ZDHHC7: variants seen among roughly 807,000 people sequenced by gnomAD.
ZDHHC7 encodes palmitoyltransferase ZDHHC7.
ZDHHC7 carries 12 observed loss-of-function variants against 34.1 expected under a neutral mutation model. That is an observed-to-expected ratio of 0.35 (90% CI 0.23 to 0.57). ZDHHC7 has a LOEUF of 0.57. Among genes scored for constraint, ZDHHC7 ranks in the 20% least tolerant of loss-of-function variants. The pLI is 0.84. For missense variants in ZDHHC7, 388 were observed against 402.7 expected (o/e 0.96, Z 0.31); for synonymous variants, 185 against 155.4 (o/e 1.19, Z -1.42).
intron 7 of ZDHHC7, 34 bp downstream of exon 7, chr16:84,977,061 A>C: frequency 6.2e-7 from 1 of 1,613,244 alleles, no homozygotes; most frequent in South Asian, 1.1e-5. Flanking sequence ...CTTGGACCAC[A>C]TATGAAGTCC....
chr16:84,980,593 C>T (rs1265941823), intron 4 of ZDHHC7, among the ~76,000 whole-genome samples: 1 of 152,026 alleles, frequency 6.6e-6, no homozygotes, highest in East Asian at 2.0e-4. Context: ...TCGCTTGAGC[C>T]TGAGAGGCAG....
Position 84,974,818 on chromosome 16 carries a change from TGGCTAGGACGGTGGCTCAGGTA to T in ZDHHC7, c.*1503_*1524del, listed in dbSNP as rs999318750. 13 of 152,728 alleles carry T rather than the reference TGGCTAGGACGGTGGCTCAGGTA, an allele frequency of 8.5e-5. No homozygotes were observed. Among genetic ancestry groups the T allele is most frequent in the African/African-American group, 2.7e-4 (11 of 41,456 alleles). 9.5% of individuals were successfully genotyped at this position (152,728 alleles called of 1,614,324 possible). A position where few individuals can be genotyped will look rare whatever the true frequency, so the allele number is the denominator to read the frequency against. On this transcript the variant is annotated 3_prime_UTR_variant, in exon 8 of 8. Coordinates refer to ENST00000313732, the MANE Select transcript of ZDHHC7 (RefSeq NM_017740.3). The stretch of plus-strand genomic sequence containing the variant: ...CAAACCCCCTGCAGGTTTGCTCGCT[TGGCTAGGACGGTGGCTCAGGTA>T]GGTCCCTTTGTGGTTTTGCATCAGC...
the ZDHHC7 span, among the ~76,000 whole-genome samples, chr16:85,016,799 A>G: frequency 1.3e-5 from 2 of 151,836 alleles, no homozygotes; most frequent in Admixed American, 6.6e-5. Context: ...GTGGACAAAA[A>G]TAATTCCATT....
chr16:84,978,707 A>G (rs370896679), intron 5 of ZDHHC7, among the ~76,000 whole-genome samples: 2 of 152,164 alleles, frequency 1.3e-5, no homozygotes, highest in South Asian at 4.1e-4. Flanking sequence ...TACGAAAAAT[A>G]CAAAATTAGC....
At chr16:84,983,705 G>T (rs2072400100) in intron 3 of ZDHHC7, among the ~76,000 whole-genome samples, 1 of 152,108 alleles carries the variant, frequency 6.6e-6, no homozygotes, top group Non-Finnish European at 1.5e-5. Context: ...ATCAGAATAA[G>T]TAAAACATTT....
rs375336539 is a variant in ZDHHC7 at position 84,979,243 on chromosome 16, C to A, written c.483G>T (p.Pro161=). 6.2e-7 allele frequency: 1 copy of A among 1,608,122 alleles called. No individual in the cohort carries two copies. Among genetic ancestry groups the A allele is most frequent in the Non-Finnish European group, 8.5e-7 (1 of 1,178,954 alleles). ...RCIRKMDHHC[P]WVNNCVGEKN... ...TTTCTCCTACACAATTGTTCACCCA[C>A]GGGCAGTGATGATCCATTTTCCGAA... The change falls in exon 5 of 8, where the codon CCG becomes CCT. Residue 161 remains proline, a synonymous_variant. Coordinates refer to ENST00000313732, the MANE Select transcript of ZDHHC7 (RefSeq NM_017740.3).
chr16:85,001,305 T>C (rs1374761178), intron 1 of ZDHHC7, among the ~76,000 whole-genome samples: 1 of 151,992 alleles, frequency 6.6e-6, no homozygotes, highest in East Asian at 1.9e-4. Flanking sequence ...ACCCCGTCTC[T>C]ACTAAAAATA....
chr16:84,999,988 A>AT lies in ZDHHC7; in HGVS notation c.-103-3982dup, dbSNP rs397855435. On this transcript the variant is annotated intron_variant, in intron 1 of 7. Coordinates refer to ENST00000313732, the MANE Select transcript of ZDHHC7 (RefSeq NM_017740.3). ...GCAAGACCCTGTCTCTACAAAAAAAATTTTTTAAAAATTGGCTGGGCAGGG... is the reference window on the plus strand; with the variant it reads ...GCAAGACCCTGTCTCTACAAAAAAAATTTTTTTAAAAATTGGCTGGGCAGGG... 5.5e-4 allele frequency among the ~76,000 whole-genome samples: 83 copies of AT among 151,438 alleles called. No individual in the cohort carries two copies. In the East Asian group the frequency reaches 0.014, roughly 26 times the overall value.
the ZDHHC7 span, among the ~76,000 whole-genome samples, chr16:85,018,016 G>A: frequency 6.6e-6 from 1 of 152,112 alleles, no homozygotes; most frequent in Non-Finnish European, 1.5e-5. Context: ...AGACACGGGT[G>A]GGTGTGTGTT....
chr16:84,989,458 G>A (rs2072479450), intron 3 of ZDHHC7, among the ~76,000 whole-genome samples: 1 of 152,172 alleles, frequency 6.6e-6, no homozygotes, highest in Admixed American at 6.5e-5. Context: ...CACTTTGGGA[G>A]GCCAAGGCGG....
intron 1 of ZDHHC7, among the ~76,000 whole-genome samples, chr16:85,000,095 G>C (rs541324637): frequency 6.6e-6 from 1 of 151,888 alleles, no homozygotes; most frequent in African/African-American, 2.4e-5. Context: ...AGCTGTGTTT[G>C]TGCCACTGCA....
At chr16:85,019,249 A>ATCC in the ZDHHC7 span, among the ~76,000 whole-genome samples, 1 of 152,160 alleles carries the variant, frequency 6.6e-6, no homozygotes, top group Non-Finnish European at 1.5e-5. Context: ...TCTCACCTGT[A>ATCC]TCCTTCACTT....
upstream of ZDHHC7, chr16:85,011,673 G>C (rs1001379521): frequency 6.6e-6 from 1 of 152,264 alleles, no homozygotes; most frequent in Non-Finnish European, 1.5e-5. Flanking sequence ...GCAGCTTTTA[G>C]TCACAGCCCC....
intron 1 of ZDHHC7, among the ~76,000 whole-genome samples, chr16:85,000,383 C>G (rs534185636): frequency 6.6e-6 from 1 of 152,270 alleles, no homozygotes; most frequent in South Asian, 2.1e-4. Context: ...GTGTCTTAAG[C>G]TCTTCGCCTT....
intron 3 of ZDHHC7, 46 bp downstream of exon 3, chr16:84,990,258 T>C (rs916481904): frequency 4.4e-6 from 7 of 1,593,684 alleles, no homozygotes; most frequent in African/African-American, 4.0e-5. Context: ...CCGAGGACAC[T>C]AGACCAGACA....
At chr16:85,020,119 G>C in the ZDHHC7 span, among the ~76,000 whole-genome samples, 2 of 152,208 alleles carry the variant, frequency 1.3e-5, no homozygotes, top group Non-Finnish European at 2.9e-5. Flanking sequence ...CACAATCCTA[G>C]CTCTGTGCCA....
intron 3 of ZDHHC7, among the ~76,000 whole-genome samples, chr16:84,984,191 T>A (rs2072407587): frequency 6.6e-6 from 1 of 151,790 alleles, no homozygotes; most frequent in South Asian, 2.1e-4. Context: ...GGCTAATTTT[T>A]CGTATTTTTA....
At chr16:84,982,069 C>T (rs2072377389) in intron 3 of ZDHHC7, 75 bp from the exon 4 acceptor site, 1 of 1,579,110 alleles carries the variant, frequency 6.3e-7, no homozygotes, top group African/African-American at 1.4e-5. Flanking sequence ...CAGTGGGTCA[C>T]ACCTGTAATC....
intron 4 of ZDHHC7, 43 bp downstream of exon 4, chr16:84,981,827 G>A (rs759440613): frequency 1.1e-5 from 17 of 1,612,168 alleles, no homozygotes; most frequent in African/African-American, 6.7e-5. Flanking sequence ...ACACGTACCC[G>A]CAGTGGCGGA....
Sources: allele counts gnomAD v4.1 joint callset (sites outside exome capture counted in the v4.1 genomes callset), GRCh38; gene constraint gnomAD v4.1.1; transcripts MANE v1.5; gene names NCBI Gene and HGNC (gene_info 2026-07-23, HGNC 2026-07-21).